DCC: variants seen among roughly 807,000 people sequenced by gnomAD.
DCC encodes DCC netrin 1 receptor.
A neutral mutation model predicts 172.5 loss-of-function variants in DCC; 58 were observed. The observed-to-expected ratio is 0.34, with a 90% CI of 0.27 to 0.42. The LOEUF (loss-of-function observed/expected upper bound fraction) is 0.42, where lower values mean the gene tolerates loss of function less well. Ranked by LOEUF, DCC falls within the 10% of genes least tolerant of loss-of-function variation. The probability of loss-of-function intolerance (pLI) is 1.00; values close to 1 mark genes in which losing one functional copy is unlikely to be tolerated. For synonymous variants in DCC, 709 were observed against 644.5 expected, an observed-to-expected ratio of 1.10 and a Z score of -1.52; for missense variants, 1,740 against 1,791.0, an observed-to-expected ratio of 0.97 and a Z score of 0.51.
intron 1 of DCC, among the ~76,000 whole-genome samples, chr18:52,409,658 C>A (rs968852105): frequency 6.6e-6 from 1 of 152,092 alleles, no homozygotes; most frequent in African/African-American, 2.4e-5. Context: ...AATTCATGAG[C>A]TATTTATCAG....
intron 5 of DCC, among the ~76,000 whole-genome samples, chr18:52,967,981 A>G (rs1165169368): frequency 2.6e-5 from 4 of 152,190 alleles, no homozygotes; most frequent in South Asian, 2.1e-4. Context: ...ACTTTGTTCA[A>G]TGGTCATCAG....
chr18:53,037,074 G>A (rs146994614), intron 5 of DCC, among the ~76,000 whole-genome samples: 1 of 152,048 alleles, frequency 6.6e-6, no homozygotes, highest in Non-Finnish European at 1.5e-5. Context: ...TCTTTACACA[G>A]AGTAAACCAT....
At chr18:52,579,866 C>T (rs2033502743) in intron 1 of DCC, among the ~76,000 whole-genome samples, 1 of 152,124 alleles carries the variant, frequency 6.6e-6, no homozygotes, top group Non-Finnish European at 1.5e-5. Flanking sequence ...GAAATTATGT[C>T]AAAATCACTA....
intron 12 of DCC, among the ~76,000 whole-genome samples, chr18:53,225,468 G>A (rs1361208916): frequency 6.6e-6 from 1 of 152,156 alleles, no homozygotes; most frequent in Non-Finnish European, 1.5e-5. Context: ...AGAACACACA[G>A]GATCCAGTAT....
chr18:52,482,480 G>A (rs1424213271), intron 1 of DCC, among the ~76,000 whole-genome samples: 1 of 152,142 alleles, frequency 6.6e-6, no homozygotes, highest in Non-Finnish European at 1.5e-5. Context: ...TGTCTGGGAA[G>A]TCCAAGATCA....
chr18:53,446,479 C>A (rs992853313), intron 22 of DCC, among the ~76,000 whole-genome samples: 2 of 152,176 alleles, frequency 1.3e-5, no homozygotes, highest in Admixed American at 6.5e-5. Context: ...ATGTCACTTG[C>A]CCCTTCTGGA....
At chr18:52,705,174 T>C (rs557664175) in intron 1 of DCC, among the ~76,000 whole-genome samples, 1 of 152,246 alleles carries the variant, frequency 6.6e-6, no homozygotes, top group Non-Finnish European at 1.5e-5. Flanking sequence ...ATTTTATATA[T>C]GCCTTTCTAT....
intron 15 of DCC, among the ~76,000 whole-genome samples, chr18:53,370,693 T>C (rs2058052227): frequency 6.6e-6 from 1 of 152,004 alleles, no homozygotes; most frequent in African/African-American, 2.4e-5. Context: ...GTTATTGATT[T>C]ATAACTTCAT....
At chr18:52,831,911 G>A (rs983088918) in intron 2 of DCC, among the ~76,000 whole-genome samples, 2 of 152,072 alleles carry the variant, frequency 1.3e-5, no homozygotes, top group Non-Finnish European at 2.9e-5. Context: ...TCTGAAGATA[G>A]AACAAAGGAG....
chr18:52,603,538 G>C (rs892532492), intron 1 of DCC, among the ~76,000 whole-genome samples: 1 of 151,356 alleles, frequency 6.6e-6, no homozygotes, highest in Non-Finnish European at 1.5e-5. Context: ...AAAAAGTTGA[G>C]ATTATTTTTT....
intron 1 of DCC, among the ~76,000 whole-genome samples, chr18:52,539,672 A>G (rs910045643): frequency 1.3e-5 from 2 of 152,168 alleles, no homozygotes; most frequent in African/African-American, 4.8e-5. Context: ...AGTCTCTGGT[A>G]CCAATTATAT....
chr18:53,215,714 G>A, intron 12 of DCC, 117 bp downstream of exon 12: 1 of 836,404 alleles, frequency 1.2e-6, no homozygotes, highest in South Asian at 1.3e-5. Context: ...GTGCAGAAAT[G>A]TTCTGGAACA....
chr18:53,337,698 T>A (rs2057608045), intron 14 of DCC, among the ~76,000 whole-genome samples: 1 of 152,250 alleles, frequency 6.6e-6, no homozygotes, highest in South Asian at 2.1e-4. Flanking sequence ...AACTTTAGAA[T>A]CTTTTGAAAA....
intron 8 of DCC, among the ~76,000 whole-genome samples, chr18:53,169,574 TGGA>T (rs1157150062): frequency 2.0e-5 from 3 of 152,078 alleles, no homozygotes; most frequent in Non-Finnish European, 4.4e-5. Context: ...AGGAATGAAG[TGGA>T]GAAGATTTGT....
At chr18:53,369,326 C>T (rs1015947573) in intron 15 of DCC, among the ~76,000 whole-genome samples, 2 of 151,716 alleles carry the variant, frequency 1.3e-5, no homozygotes, top group Non-Finnish European at 1.5e-5. Context: ...TTTTTTTGTA[C>T]GTGTTTCTGT....
At chr18:52,503,636 G>T (rs2031115938) in intron 1 of DCC, among the ~76,000 whole-genome samples, 1 of 152,016 alleles carries the variant, frequency 6.6e-6, no homozygotes, top group African/African-American at 2.4e-5. Flanking sequence ...TCTCTTCTTG[G>T]CCTTGTCACT....
chr18:53,351,791 G>T (rs566882242), intron 15 of DCC, among the ~76,000 whole-genome samples: 1 of 151,796 alleles, frequency 6.6e-6, no homozygotes, highest in African/African-American at 2.4e-5. Flanking sequence ...CCTCACGTCA[G>T]TGTTTACAGA....
chr18:52,601,681 C>T (rs975395625), intron 1 of DCC, among the ~76,000 whole-genome samples: 1 of 152,104 alleles, frequency 6.6e-6, no homozygotes, highest in East Asian at 1.9e-4. Flanking sequence ...CTCTCTCCTA[C>T]ATATTACCAA....
At chr18:53,140,150 T>C (rs1231261732) in intron 7 of DCC, among the ~76,000 whole-genome samples, 2 of 152,196 alleles carry the variant, frequency 1.3e-5, no homozygotes, top group Non-Finnish European at 2.9e-5. Flanking sequence ...GAATAAAACA[T>C]TTTATGATTT....
Sources: allele counts gnomAD v4.1 joint callset (sites outside exome capture counted in the v4.1 genomes callset), GRCh38; gene constraint gnomAD v4.1.1; transcripts MANE v1.5; gene names NCBI Gene and HGNC (gene_info 2026-07-23, HGNC 2026-07-21).